Variants in NALCN observed in about 807,000 individuals in gnomAD.
The protein encoded by NALCN is sodium leak channel, non-selective.
In NALCN, 111 loss-of-function variants were observed where a neutral mutation model predicts 225.3. The ratio of observed to expected loss-of-function variants is 0.49; its 90% CI spans 0.42 to 0.58. The LOEUF (loss-of-function observed/expected upper bound fraction) is 0.58. Among genes scored for constraint, NALCN ranks in the 20% least tolerant of loss-of-function variants. The pLI is 0.00. For synonymous variants in NALCN, 764 were observed against 769.0 expected (o/e 0.99, Z 0.11); for missense variants, 1,378 against 2,202.4 (o/e 0.63, Z 7.49).
chr13:101,215,888 G>A (rs1341534327), intron 13 of NALCN, among the ~76,000 whole-genome samples: 4 of 152,000 alleles, frequency 2.6e-5, no homozygotes, highest in African/African-American at 9.7e-5. Flanking sequence ...GAAAAGGCCA[G>A]TACCTCTGAT....
intron 30 of NALCN, among the ~76,000 whole-genome samples, chr13:101,084,167 T>A (rs939827521): frequency 6.6e-6 from 1 of 152,240 alleles, no homozygotes; most frequent in Non-Finnish European, 1.5e-5. Context: ...AAATTATAGC[T>A]TGTCAATGCT....
chr13:101,250,463 G>T (rs1412777374), intron 11 of NALCN, among the ~76,000 whole-genome samples: 1 of 151,970 alleles, frequency 6.6e-6, no homozygotes, highest in Non-Finnish European at 1.5e-5. Flanking sequence ...AAACACAATT[G>T]TGCACATGTG....
At chr13:101,255,833 A>C (rs1276271591) in intron 11 of NALCN, among the ~76,000 whole-genome samples, 2 of 152,140 alleles carry the variant, frequency 1.3e-5, no homozygotes, top group Non-Finnish European at 2.9e-5. Context: ...TTCTAGTAGA[A>C]CATGTAGACG....
chr13:101,374,328 T>C (rs749429562), intron 6 of NALCN, among the ~76,000 whole-genome samples: 1 of 145,612 alleles, frequency 6.9e-6, no homozygotes, highest in Non-Finnish European at 1.5e-5. Context: ...CAGGCTGGAG[T>C]GCAGTGGCGC....
intron 13 of NALCN, among the ~76,000 whole-genome samples, chr13:101,199,726 T>C (rs61974028): frequency 0.25 from 38,192 of 150,188 alleles, 5,141 homozygotes; most frequent in East Asian, 0.37. Context: ...TGCAGCACAC[T>C]AACATGGCAC....
rs1268059062 is a variant in NALCN at position 101,211,668 on chromosome 13, A to ATC, written c.1626+17723_1626+17724dup. Among the ~76,000 whole-genome samples, 11 of 150,358 alleles carry ATC rather than the reference A, an allele frequency of 7.3e-5. No homozygotes were observed. In the East Asian group the frequency reaches 1.9e-3, roughly 27 times the overall value. ...CAATAAACTATATATATATATATAT[A>ATC]TCTCATGGTATCACTTTAAAATAAG... On this transcript the variant is annotated intron_variant, in intron 13 of 43. Transcript: ENST00000251127.
At chr13:101,283,155 G>A (rs1026830969) in intron 10 of NALCN, among the ~76,000 whole-genome samples, 3 of 152,118 alleles carry the variant, frequency 2.0e-5, no homozygotes, top group Non-Finnish European at 4.4e-5. Flanking sequence ...TGCTTGGAGG[G>A]AAAATGAAAG....
chr13:101,397,110 A>ATATATG, intron 2 of NALCN, among the ~76,000 whole-genome samples: 1 of 55,526 alleles, frequency 1.8e-5, no homozygotes, highest in Non-Finnish European at 2.9e-5. Context: ...ATATATATAT[A>ATATATG]CATACACATA....
chr13:101,217,909 T>C (rs1304009779), intron 13 of NALCN, among the ~76,000 whole-genome samples: 1 of 152,160 alleles, frequency 6.6e-6, no homozygotes, highest in Non-Finnish European at 1.5e-5. Context: ...CCACGTCTAT[T>C]TACAAACCTT....
At chr13:101,220,973 G>A (rs2040915279) in intron 13 of NALCN, among the ~76,000 whole-genome samples, 1 of 152,114 alleles carries the variant, frequency 6.6e-6, no homozygotes, top group Non-Finnish European at 1.5e-5. Context: ...GAATAAAAAT[G>A]TAAAGAATGA....
intron 1 of NALCN, among the ~76,000 whole-genome samples, chr13:101,401,811 A>G (rs1181598099): frequency 6.6e-6 from 1 of 152,184 alleles, no homozygotes; most frequent in Non-Finnish European, 1.5e-5. Context: ...TGGCTAATCC[A>G]CACATACATA....
Position 101,306,902 on chromosome 13 carries a change from C to T in NALCN, c.800-14536G>A, listed in dbSNP as rs536710792. On this transcript the variant is annotated intron_variant, in intron 7 of 43. Transcript: ENST00000251127. ...GAAGTTCAGGTGCTATTATCAGGTG[C>T]ATTTTCTTGGACTCTGAGAACCCAG... Among the ~76,000 whole-genome samples, 41 of 152,266 alleles carry T rather than the reference C, an allele frequency of 2.7e-4. No individual in the cohort carries two copies. In the South Asian group the frequency reaches 8.5e-3, roughly 32 times the overall value.
chr13:101,076,085 CT>C, intron 34 of NALCN, 144 bp from the exon 35 acceptor site: 1 of 539,236 alleles, frequency 1.9e-6, no homozygotes, highest in Non-Finnish European at 3.1e-6. Context: ...AAAAAAGGTG[CT>C]GAAAAGGTCA....
Position 101,065,212 on chromosome 13 carries a change from A to G in NALCN, c.4604+192T>C, listed in dbSNP as rs373185088. Among the ~76,000 whole-genome samples, 180 of 152,224 alleles carry G rather than the reference A, an allele frequency of 1.2e-3. 1 individual carries two copies. The highest frequency in any genetic ancestry group is 4.1e-3 in the African/African-American group (171 of 41,532). On this transcript the variant is annotated intron_variant, in intron 40 of 43. Transcript: ENST00000251127. ...CCCAGCCCTCCCCTGCGAGGCACCTACTTGGAAATGTTCACTGGAGGACGG... is the reference window on the plus strand; with the variant it reads ...CCCAGCCCTCCCCTGCGAGGCACCTGCTTGGAAATGTTCACTGGAGGACGG...
chr13:101,168,163 C>T (rs1307634324), intron 15 of NALCN, among the ~76,000 whole-genome samples: 1 of 152,170 alleles, frequency 6.6e-6, no homozygotes, highest in Non-Finnish European at 1.5e-5. Flanking sequence ...TTCTCATACA[C>T]ATTTTGGCTC....
At chr13:101,179,922 C>T (rs936264757) in intron 14 of NALCN, among the ~76,000 whole-genome samples, 5 of 152,244 alleles carry the variant, frequency 3.3e-5, no homozygotes, top group South Asian at 4.2e-4. Context: ...CTCTGTCCCT[C>T]GGCTTGTGGC....
At chr13:101,337,521 T>C (rs1425536922) in intron 7 of NALCN, among the ~76,000 whole-genome samples, 1 of 152,162 alleles carries the variant, frequency 6.6e-6, no homozygotes, top group Non-Finnish European at 1.5e-5. Flanking sequence ...TTGCCCAGGC[T>C]GGTCTTGAAT....
chr13:101,183,177 C>T (rs1019359113), intron 14 of NALCN, among the ~76,000 whole-genome samples: 2 of 152,180 alleles, frequency 1.3e-5, no homozygotes, highest in Non-Finnish European at 2.9e-5. Flanking sequence ...CCCATTACAG[C>T]GATGTCTGCA....
Position 101,413,768 on chromosome 13 carries a change from G to A in NALCN, c.-40+2545C>T, listed in dbSNP as rs540236831. Among the ~76,000 whole-genome samples the A allele has an allele frequency of 1.1e-3, 166 of 152,204 alleles. 1 individual carries two copies. Among genetic ancestry groups the A allele is most frequent in the African/African-American group, 3.5e-3 (147 of 41,540 alleles). ...CAAAAAATCAATTAAAAAAATTTAA[G>A]CATTTGCATAGAGTTTGAAGGTATG... On this transcript the variant is annotated intron_variant, in intron 1 of 43. Transcript: ENST00000251127.
Sources: gnomAD v4.1 joint callset for allele counts (sites outside exome capture counted in the v4.1 genomes callset) on GRCh38, gnomAD v4.1.1 for gene constraint, MANE v1.5 for transcripts, NCBI Gene and HGNC (gene_info 2026-07-23, HGNC 2026-07-21) for gene names.